The following CFAP299 variants were observed in gnomAD, a reference collection of about 807,000 sequenced individuals.
CFAP299 encodes the protein cilia- and flagella-associated protein 299.
A neutral mutation model predicts 27.0 loss-of-function variants in CFAP299; 21 were observed. The observed-to-expected ratio is 0.78, with a 90% CI of 0.55 to 1.12. The LOEUF (loss-of-function observed/expected upper bound fraction) is 1.12, where lower values mean the gene tolerates loss of function less well. CFAP299 is among the 50% of genes most tolerant of loss of function. CFAP299 has a pLI of 0.00. For synonymous variants in CFAP299, 104 were observed against 98.1 expected (o/e 1.06, Z -0.36); for missense variants, 310 against 276.6 (o/e 1.12, Z -0.86).
chr4:80,487,469 C>G (rs1730880432), intron 2 of CFAP299, among the ~76,000 whole-genome samples: 1 of 152,158 alleles, frequency 6.6e-6, no homozygotes, highest in Non-Finnish European at 1.5e-5. Context: ...CAAAAGGCAA[C>G]TTGGGGAGAA....
intron 3 of CFAP299, among the ~76,000 whole-genome samples, chr4:80,850,192 T>A (rs1731431961): frequency 6.6e-6 from 1 of 151,812 alleles, no homozygotes; most frequent in African/African-American, 2.4e-5. Context: ...ACTGACTAAT[T>A]TTTTAACCTA....
intron 3 of CFAP299, among the ~76,000 whole-genome samples, chr4:80,867,266 T>G (rs770689303): frequency 4.6e-5 from 7 of 152,174 alleles, no homozygotes; most frequent in Non-Finnish European, 1.0e-4. Context: ...TGTCTAATAT[T>G]AGTATACTGA....
At chr4:80,808,397 G>A (rs1041534067) in intron 3 of CFAP299, among the ~76,000 whole-genome samples, 4 of 152,074 alleles carry the variant, frequency 2.6e-5, no homozygotes, top group African/African-American at 9.7e-5. Context: ...ACTAAACATA[G>A]CGCTGTGATG....
chr4:80,944,318 C>T (rs1297948560), intron 4 of CFAP299, among the ~76,000 whole-genome samples: 13 of 151,730 alleles, frequency 8.6e-5, no homozygotes, highest in Admixed American at 7.9e-4. Flanking sequence ...GTTTGGCTCA[C>T]GGTAACCACT....
intron 3 of CFAP299, among the ~76,000 whole-genome samples, chr4:80,625,327 C>T (rs1301813747): frequency 6.6e-6 from 1 of 151,794 alleles, no homozygotes; most frequent in Non-Finnish European, 1.5e-5. Flanking sequence ...CAGCTTAAAA[C>T]ATGTTATATT....
At chr4:80,499,845 A>G (rs1731654370) in intron 2 of CFAP299, among the ~76,000 whole-genome samples, 1 of 152,104 alleles carries the variant, frequency 6.6e-6, no homozygotes, top group Non-Finnish European at 1.5e-5. Flanking sequence ...CGGTAGCAAA[A>G]TATATCTTAT....
At chr4:80,647,586 C>T (rs144070496) in intron 3 of CFAP299, among the ~76,000 whole-genome samples, 15 of 152,220 alleles carry the variant, frequency 9.9e-5, no homozygotes, top group African/African-American at 3.4e-4. Context: ...TAAATGCTCC[C>T]CCTTAGTGGG....
chr4:80,950,970 T>A (rs1410651442), intron 5 of CFAP299, among the ~76,000 whole-genome samples: 1 of 152,194 alleles, frequency 6.6e-6, no homozygotes, highest in Non-Finnish European at 1.5e-5. Context: ...ACTATTTGTG[T>A]CACAATGACT....
intron 4 of CFAP299, among the ~76,000 whole-genome samples, chr4:80,899,847 C>T (rs1306125493): frequency 6.6e-6 from 1 of 152,164 alleles, no homozygotes; most frequent in Non-Finnish European, 1.5e-5. Flanking sequence ...TAATACCTGC[C>T]TCAAAGGGTT....
intron 2 of CFAP299, among the ~76,000 whole-genome samples, chr4:80,418,715 A>T (rs1438790768): frequency 6.6e-6 from 1 of 151,944 alleles, no homozygotes; most frequent in Non-Finnish European, 1.5e-5. Flanking sequence ...CAATTGTTTT[A>T]CATATCCCAC....
intron 2 of CFAP299, among the ~76,000 whole-genome samples, chr4:80,495,128 G>A (rs1454239117): frequency 6.6e-6 from 1 of 152,152 alleles, no homozygotes; most frequent in Non-Finnish European, 1.5e-5. Flanking sequence ...ATATAGACAG[G>A]CTAAATTTTG....
Position 80,744,762 on chromosome 4 carries a change from A to T in CFAP299, c.334-125231A>T, listed in dbSNP as rs1578083679. Among the ~76,000 whole-genome samples, 3 of 152,286 alleles carry T rather than the reference A, an allele frequency of 2.0e-5. No homozygotes were observed. The East Asian group carries it at 5.8e-4, about 29-fold the overall frequency. On this transcript the variant is annotated intron_variant, in intron 3 of 5. Transcript: ENST00000358105. ...TCAATTTTTCCTCAGCTTGAGAAAA[A>T]GAGTTCTATGACTTAAAAGAACCCA...
chr4:80,592,091 A>G (rs987531453), intron 3 of CFAP299, among the ~76,000 whole-genome samples: 2 of 152,202 alleles, frequency 1.3e-5, no homozygotes, highest in African/African-American at 4.8e-5. Flanking sequence ...TTAAAATATT[A>G]ATTAAGAGTT....
chr4:80,541,448 G>A (rs1027484349), intron 2 of CFAP299, among the ~76,000 whole-genome samples: 3 of 152,140 alleles, frequency 2.0e-5, no homozygotes, highest in African/African-American at 7.2e-5. Context: ...TATTTTTGAT[G>A]CAGTATTATA....
intron 3 of CFAP299, among the ~76,000 whole-genome samples, chr4:80,842,050 C>T (rs1013822869): frequency 6.6e-5 from 10 of 152,160 alleles, no homozygotes; most frequent in Non-Finnish European, 1.0e-4. Context: ...GAAACCTTAC[C>T]GCTTCTCCTC....
intron 2 of CFAP299, among the ~76,000 whole-genome samples, chr4:80,412,636 A>T (rs1726780024): frequency 6.6e-6 from 1 of 152,326 alleles, no homozygotes; most frequent in Non-Finnish European, 1.5e-5. Context: ...GACAATGTGT[A>T]GTATAGAAAA....
chr4:80,714,737 A>G (rs1722379208), intron 3 of CFAP299, among the ~76,000 whole-genome samples: 1 of 152,028 alleles, frequency 6.6e-6, no homozygotes, highest in Admixed American at 6.6e-5. Flanking sequence ...GAAACTACAA[A>G]AGTTGTTCAG....
At chr4:80,898,573 G>A (rs897150393) in intron 4 of CFAP299, among the ~76,000 whole-genome samples, 4 of 151,856 alleles carry the variant, frequency 2.6e-5, no homozygotes, top group African/African-American at 7.3e-5. Flanking sequence ...CAGGCTTTTC[G>A]GCTTGAGGGT....
chr4:80,402,780 T>C (rs561094278), intron 2 of CFAP299, among the ~76,000 whole-genome samples: 1 of 152,346 alleles, frequency 6.6e-6, no homozygotes, highest in Non-Finnish European at 1.5e-5. Context: ...ATATATAATC[T>C]ATCTTCAGAT....
Sources: allele counts gnomAD v4.1 joint callset (sites outside exome capture counted in the v4.1 genomes callset), GRCh38; gene constraint gnomAD v4.1.1; transcripts MANE v1.5; gene names NCBI Gene and HGNC (gene_info 2026-07-23, HGNC 2026-07-21).